Variants in PCDH15 observed in about 807,000 individuals in gnomAD.
PCDH15 encodes the protein protocadherin-15.
In PCDH15, 129 loss-of-function variants were observed where a neutral mutation model predicts 178.5. The ratio of observed to expected loss-of-function variants is 0.72; its 90% CI spans 0.63 to 0.84. The LOEUF is 0.84. Ranked by LOEUF, PCDH15 falls within the 40% of genes least tolerant of loss-of-function variation. PCDH15 has a pLI of 0.00. For synonymous variants in PCDH15, 800 were observed against 732.0 expected (o/e 1.09, Z -1.50); for missense variants, 2,230 against 2,099.9 (o/e 1.06, Z -1.21).
chr10:54,246,065 A>G (rs1325535132), intron 8 of PCDH15, among the ~76,000 whole-genome samples: 1 of 151,936 alleles, frequency 6.6e-6, no homozygotes, highest in Non-Finnish European at 1.5e-5. Flanking sequence ...TTGCACTTTG[A>G]GCTTCATCTT....
intron 8 of PCDH15, among the ~76,000 whole-genome samples, chr10:54,267,951 AAAAG>A (rs1203845649): frequency 2.0e-5 from 3 of 151,954 alleles, no homozygotes; most frequent in Non-Finnish European, 2.9e-5. Flanking sequence ...ATTTAACTAA[AAAAG>A]AGCCTGAATA....
At chr10:54,804,046 T>G (rs1420144904), upstream of PCDH15, among the ~76,000 whole-genome samples, 1 of 143,650 alleles carries the variant, frequency 7.0e-6, no homozygotes, top group Non-Finnish European at 1.5e-5. Flanking sequence ...AAAAATTTTC[T>G]TTTTTTTTTT....
rs144364215 is a variant in PCDH15 at position 55,243,265 on chromosome 10, G to A, written c.-156+76334C>T. ...AACACACAACAAATGAACAAGAGTAGAACTGCAGGCTTTTATTTAGTTCAA... is the reference window on the plus strand; with the variant it reads ...AACACACAACAAATGAACAAGAGTAAAACTGCAGGCTTTTATTTAGTTCAA... On this transcript the variant is annotated intron_variant, in intron 1 of 5. Coordinates refer to the PCDH15 transcript ENST00000458638. Among the ~76,000 whole-genome samples, 327 of 152,274 alleles carry A rather than the reference G, an allele frequency of 2.1e-3. 3 individuals carry two copies. Among genetic ancestry groups the A allele is most frequent in the African/African-American group, 7.5e-3 (312 of 41,554 alleles).
At chr10:54,641,406 T>A (rs4935531) in intron 2 of PCDH15, among the ~76,000 whole-genome samples, 114,499 of 152,040 alleles carry the variant, frequency 0.75, 44,122 homozygotes, top group Non-Finnish European at 0.84. Context: ...ACTACTTTCT[T>A]TCTCAAAGTT....
intron 2 of PCDH15, chr10:55,599,792 C>A: frequency 2.0e-6 from 1 of 505,462 alleles, no homozygotes; most frequent in Non-Finnish European, 3.3e-6. Flanking sequence ...CCTAGCATTG[C>A]TAGTATTAGA....
At chr10:54,073,931 T>C (rs1323513188) in intron 17 of PCDH15, among the ~76,000 whole-genome samples, 3 of 152,196 alleles carry the variant, frequency 2.0e-5, no homozygotes, top group Non-Finnish European at 4.4e-5. Context: ...TACTTACAGA[T>C]AAGAATATCT....
intron 2 of PCDH15, among the ~76,000 whole-genome samples, chr10:55,542,346 G>A (rs953705959): frequency 1.3e-5 from 2 of 150,584 alleles, no homozygotes; most frequent in African/African-American, 4.9e-5. Flanking sequence ...TTGAATATAT[G>A]TTAGTGTGTA....
At chr10:54,266,953 C>T (rs1453735193) in intron 8 of PCDH15, among the ~76,000 whole-genome samples, 1 of 151,814 alleles carries the variant, frequency 6.6e-6, no homozygotes, top group African/African-American at 2.4e-5. Flanking sequence ...CATCCTGATA[C>T]CAAAATATGG....
chr10:54,040,828 G>A (rs2093526343), intron 18 of PCDH15, among the ~76,000 whole-genome samples: 1 of 151,998 alleles, frequency 6.6e-6, no homozygotes, highest in East Asian at 1.9e-4. Flanking sequence ...TAGCATATAT[G>A]TGTGTCTAAA....
At chr10:55,214,870 C>G (rs1252474531) in intron 1 of PCDH15, among the ~76,000 whole-genome samples, 8 of 151,998 alleles carry the variant, frequency 5.3e-5, no homozygotes, top group Non-Finnish European at 2.9e-5. Context: ...AATAAAGACT[C>G]TCTGGCCTTC....
chr10:55,133,398 T>G, intron 2 of PCDH15, among the ~76,000 whole-genome samples: 1 of 152,154 alleles, frequency 6.6e-6, no homozygotes, highest in East Asian at 1.9e-4. Flanking sequence ...TCAATCTAAC[T>G]GGCCACTCCT....
intron 8 of PCDH15, among the ~76,000 whole-genome samples, chr10:54,240,653 A>G (rs1327916597): frequency 1.1e-5 from 1 of 94,658 alleles, no homozygotes; most frequent in African/African-American, 4.0e-5. Flanking sequence ...TTTTTTTGAG[A>G]CAGAGTATCG....
intron 1 of PCDH15, among the ~76,000 whole-genome samples, chr10:54,694,464 C>A (rs929951900): frequency 2.0e-5 from 3 of 152,070 alleles, no homozygotes; most frequent in African/African-American, 7.2e-5. Context: ...TATTTCACTC[C>A]ACAAATATTC....
intron 29 of PCDH15, 84 bp from the exon 30 acceptor site, chr10:53,831,617 C>A: frequency 1.0e-6 from 1 of 995,390 alleles, no homozygotes; most frequent in South Asian, 1.5e-5. Flanking sequence ...TAAGATCTTT[C>A]AATATTTTCT....
intron 13 of PCDH15, among the ~76,000 whole-genome samples, chr10:54,163,011 G>T (rs1367355955): frequency 1.3e-5 from 2 of 150,144 alleles, no homozygotes; most frequent in Non-Finnish European, 3.0e-5. Flanking sequence ...TAAACAAGAA[G>T]GTGAACAGTA....
intron 2 of PCDH15, among the ~76,000 whole-genome samples, chr10:54,971,187 C>A (rs145087920): frequency 6.6e-6 from 1 of 152,040 alleles, no homozygotes; most frequent in Non-Finnish European, 1.5e-5. Context: ...TGTGTCCCCT[C>A]CCAAATTCAT....
At chr10:55,502,027 G>A (rs61851178) in intron 2 of PCDH15, among the ~76,000 whole-genome samples, 12 of 151,406 alleles carry the variant, frequency 7.9e-5, no homozygotes, top group Non-Finnish European at 1.3e-4. Flanking sequence ...TTGTAACTAT[G>A]TGTGATACCT....
At chr10:54,611,486 T>C (rs2092959525) in intron 2 of PCDH15, among the ~76,000 whole-genome samples, 1 of 151,934 alleles carries the variant, frequency 6.6e-6, no homozygotes, top group Admixed American at 6.6e-5. Context: ...GAGAATTGTT[T>C]TGTTCGGATA....
intron 3 of PCDH15, among the ~76,000 whole-genome samples, chr10:54,865,437 C>T (rs895223167): frequency 6.6e-6 from 1 of 152,216 alleles, no homozygotes; most frequent in African/African-American, 2.4e-5. Flanking sequence ...GGATTTGGAA[C>T]TCAGACTGAG....
Sources: gnomAD v4.1 joint callset for allele counts (sites outside exome capture counted in the v4.1 genomes callset) on GRCh38, gnomAD v4.1.1 for gene constraint, MANE v1.5 for transcripts, NCBI Gene and HGNC (gene_info 2026-07-23, HGNC 2026-07-21) for gene names.